Variants in TRPC7 observed in about 807,000 individuals in gnomAD.
TRPC7 encodes the protein transient receptor potential cation channel subfamily C member 7.
Under a neutral mutation model 90.1 loss-of-function variants are expected in TRPC7, and 42 were observed. That is an observed-to-expected ratio of 0.47 (90% CI 0.36 to 0.60). The LOEUF is 0.60. TRPC7 is among the 20% of genes least tolerant of loss of function. The pLI, the probability that TRPC7 is intolerant of heterozygous loss-of-function variation, is 0.00. For missense variants in TRPC7, 955 were observed against 1,112.3 expected (o/e 0.86, Z 2.01); for synonymous variants, 451 against 436.3 (o/e 1.03, Z -0.42).
rs1188680483 is a variant in TRPC7, at chr5:136,345,743, C to T, written c.780+10865G>A. ...TCAATTTTGGCTTTTGTTGCCATTG[C>T]TTTTGGTGTTTTAGACATGAAGTCC... On this transcript the variant is annotated intron_variant, in intron 2 of 11. Coordinates refer to ENST00000513104, the MANE Select transcript of TRPC7 (RefSeq NM_020389.3). 4.6e-5 allele frequency among the ~76,000 whole-genome samples: 7 copies of T among 152,234 alleles called. No individual in the cohort carries two copies. In the East Asian group the frequency reaches 9.7e-4, roughly 21 times the overall value.
chr5:136,363,263 T>C (rs1270820597), intron 1 of TRPC7, among the ~76,000 whole-genome samples: 1 of 152,186 alleles, frequency 6.6e-6, no homozygotes, highest in Non-Finnish European at 1.5e-5. Context: ...GGCATCCAAC[T>C]TATTTCTAAG....
chr5:136,268,484 T>C (rs972703797), intron 4 of TRPC7, among the ~76,000 whole-genome samples: 1 of 152,148 alleles, frequency 6.6e-6, no homozygotes, highest in African/African-American at 2.4e-5. Context: ...CTACCTAATA[T>C]CTTCAGTGAT....
intron 3 of TRPC7, among the ~76,000 whole-genome samples, chr5:136,284,941 G>C (rs1234222734): frequency 6.6e-6 from 1 of 152,190 alleles, no homozygotes. Flanking sequence ...TCACCCCTGA[G>C]CTGTGTCTAT....
At chr5:136,325,614 G>C (rs1759322320) in intron 2 of TRPC7, among the ~76,000 whole-genome samples, 2 of 152,172 alleles carry the variant, frequency 1.3e-5, no homozygotes, top group South Asian at 4.1e-4. Context: ...ATAGTGTATT[G>C]AGGCAGGAGA....
chr5:136,341,309 C>T (rs1028194242), intron 2 of TRPC7, among the ~76,000 whole-genome samples: 5 of 151,856 alleles, frequency 3.3e-5, no homozygotes, highest in African/African-American at 9.7e-5. Context: ...AAGAGGTAGA[C>T]TTGGACATGC....
At chr5:136,329,737 G>A (rs1207204284) in intron 2 of TRPC7, among the ~76,000 whole-genome samples, 1 of 152,134 alleles carries the variant, frequency 6.6e-6, no homozygotes, top group Non-Finnish European at 1.5e-5. Context: ...GCGTGGATAT[G>A]CTTATTTACC....
intron 3 of TRPC7, among the ~76,000 whole-genome samples, chr5:136,313,931 A>G (rs1758923593): frequency 6.6e-6 from 1 of 152,178 alleles, no homozygotes; most frequent in Non-Finnish European, 1.5e-5. Context: ...GAACTTGGTA[A>G]TTGACAAAAG....
intron 2 of TRPC7, among the ~76,000 whole-genome samples, chr5:136,339,839 GCAACAACAA>G (rs10573372): frequency 1.9e-4 from 26 of 138,220 alleles, no homozygotes; most frequent in African/African-American, 4.5e-4. Flanking sequence ...TCTCTCTACT[GCAACAACAA>G]CAACAACAAC....
chr5:136,291,972 C>A (rs1481340282), intron 3 of TRPC7, among the ~76,000 whole-genome samples: 1 of 152,076 alleles, frequency 6.6e-6, no homozygotes, highest in African/African-American at 2.4e-5. Context: ...CAAACTAGAA[C>A]TCAGGATTAA....
rs535114558 is a variant in TRPC7, at chr5:136,224,879, C to T, written c.2343+395G>A. Among the ~76,000 whole-genome samples, 11 of 152,298 alleles carry T rather than the reference C, an allele frequency of 7.2e-5. No individual in the cohort carries two copies. In the East Asian group the frequency reaches 1.2e-3, roughly 16 times the overall value. ...GCCATATATGGCTGCCTCCTGCATC[C>T]GAGTGGTCTCGGCTGACTGTTCTCT... On this transcript the variant is annotated intron_variant, in intron 10 of 11. Transcript: ENST00000513104.
intron 2 of TRPC7, among the ~76,000 whole-genome samples, chr5:136,348,077 C>T (rs764315960): frequency 1.3e-5 from 2 of 152,218 alleles, no homozygotes; most frequent in Non-Finnish European, 2.9e-5. Context: ...CAACTCTTTC[C>T]ATTCTTGTGC....
At chr5:136,266,138 A>G in intron 5 of TRPC7, 82 bp downstream of exon 5, 1 of 1,261,712 alleles carries the variant, frequency 7.9e-7, no homozygotes, top group Non-Finnish European at 1.2e-6. Context: ...TGAAGAGGAG[A>G]GGGAGAAATT....
intron 5 of TRPC7, 138 bp from the exon 6 acceptor site, chr5:136,252,020 CAG>C (rs879361894): frequency 7.4e-6 from 5 of 678,280 alleles, no homozygotes; most frequent in African/African-American, 3.6e-5. Flanking sequence ...CAGAGGCAGA[CAG>C]AAACGTGTTT....
At chr5:136,233,296 G>T (rs896471026) in intron 7 of TRPC7, among the ~76,000 whole-genome samples, 5 of 152,358 alleles carry the variant, frequency 3.3e-5, no homozygotes, top group East Asian at 3.9e-4. Flanking sequence ...CAACGACAGG[G>T]TATTAAGCCA....
intron 3 of TRPC7, among the ~76,000 whole-genome samples, chr5:136,287,929 A>G (rs1757786741): frequency 6.6e-6 from 1 of 152,120 alleles, no homozygotes; most frequent in Non-Finnish European, 1.5e-5. Flanking sequence ...ACTGAGACCA[A>G]AGTTCCTTCC....
At chr5:136,297,644 T>A (rs1758228506) in intron 3 of TRPC7, among the ~76,000 whole-genome samples, 1 of 152,184 alleles carries the variant, frequency 6.6e-6, no homozygotes, top group Non-Finnish European at 1.5e-5. Flanking sequence ...GGAGACCAAA[T>A]TATTAATAAT....
At chr5:136,228,057 G>A (rs1461286493) in intron 8 of TRPC7, among the ~76,000 whole-genome samples, 1 of 152,046 alleles carries the variant, frequency 6.6e-6, no homozygotes, top group Non-Finnish European at 1.5e-5. Flanking sequence ...GGAACACACA[G>A]TCTGGCCGAT....
At chr5:136,315,844 T>C in intron 2 of TRPC7, 65 bp from the exon 3 acceptor site, 1 of 1,516,052 alleles carries the variant, frequency 6.6e-7, no homozygotes. Context: ...TTGCCCAGCA[T>C]AGCAGTGTCG....
intron 3 of TRPC7, among the ~76,000 whole-genome samples, chr5:136,302,771 G>A (rs142475588): frequency 0.015 from 2,311 of 152,136 alleles, 35 homozygotes; most frequent in South Asian, 0.026. Flanking sequence ...AATTCTTTTC[G>A]TAAAATGGGC....
Sources: gnomAD v4.1 joint callset for allele counts (sites outside exome capture counted in the v4.1 genomes callset) on GRCh38, gnomAD v4.1.1 for gene constraint, MANE v1.5 for transcripts, NCBI Gene and HGNC (gene_info 2026-07-23, HGNC 2026-07-21) for gene names.